The following SAMTOR variants were observed in gnomAD, a reference collection of about 807,000 sequenced individuals.
SAMTOR encodes the protein S-adenosylmethionine sensor upstream of mTORC1.
At chr7:112,902,197 G>GT in the SAMTOR span, among the ~76,000 whole-genome samples, 1 of 151,884 alleles carries the variant, frequency 6.6e-6, no homozygotes, top group Non-Finnish European at 1.5e-5. Flanking sequence ...GAGGTCAGGA[G>GT]TTTGAGACCA....
the SAMTOR span, among the ~76,000 whole-genome samples, chr7:112,831,257 G>A: frequency 2.3e-4 from 35 of 152,148 alleles, no homozygotes; most frequent in East Asian, 6.2e-3. Context: ...TGTTATTCTG[G>A]AAAAAAGTCT....
chr7:112,919,274 A>G, the SAMTOR span, among the ~76,000 whole-genome samples: 2 of 152,246 alleles, frequency 1.3e-5, no homozygotes, highest in African/African-American at 2.4e-5. Flanking sequence ...CAATCAAACT[A>G]GAACTCAGGA....
chr7:112,939,637 A>G, the SAMTOR span: 5 of 1,613,634 alleles, frequency 3.1e-6, no homozygotes, highest in Non-Finnish European at 4.2e-6. Context: ...TCTTCACCAC[A>G]CCGGAGAGCT....
chr7:112,852,930 T>C, the SAMTOR span, among the ~76,000 whole-genome samples: 7 of 152,050 alleles, frequency 4.6e-5, no homozygotes, highest in Admixed American at 4.6e-4. Context: ...AAAGAGACTC[T>C]GTCACCGAGA....
chr7:112,907,770 T>C, the SAMTOR span, among the ~76,000 whole-genome samples: 1 of 152,026 alleles, frequency 6.6e-6, no homozygotes, highest in Non-Finnish European at 1.5e-5. Flanking sequence ...TTCCAATCTA[T>C]CGGAGAAAAA....
the SAMTOR span, among the ~76,000 whole-genome samples, chr7:112,833,339 GA>G: frequency 1.3e-5 from 2 of 152,126 alleles, no homozygotes; most frequent in African/African-American, 2.4e-5. Flanking sequence ...TCTCGAATCA[GA>G]AAGGCTAAGA....
At chr7:112,920,163 C>T in the SAMTOR span, among the ~76,000 whole-genome samples, 3 of 152,296 alleles carry the variant, frequency 2.0e-5, no homozygotes, top group South Asian at 6.2e-4. Flanking sequence ...GAATTTTAGA[C>T]CAATATCCTT....
the SAMTOR span, among the ~76,000 whole-genome samples, chr7:112,902,434 AAAAACAAAAAAAAAC>A: frequency 1.6e-3 from 177 of 111,962 alleles, 32 homozygotes; most frequent in South Asian, 0.012. Flanking sequence ...AAAAACAAAA[AAAAACAAAAAAAAAC>A]AAAAAAAAAA....
chr7:112,934,806 A>G, the SAMTOR span, among the ~76,000 whole-genome samples: 7 of 152,322 alleles, frequency 4.6e-5, no homozygotes, highest in African/African-American at 7.2e-5. Context: ...AATCTGCAAC[A>G]ATGCTTTTGG....
At chr7:112,869,216 G>A in the SAMTOR span, among the ~76,000 whole-genome samples, 1 of 152,176 alleles carries the variant, frequency 6.6e-6, no homozygotes, top group African/African-American at 2.4e-5. Context: ...GAATGCGGCA[G>A]CAGCTCTACA....
chr7:112,875,033 C>T, the SAMTOR span, among the ~76,000 whole-genome samples: 6 of 152,102 alleles, frequency 3.9e-5, no homozygotes, highest in Admixed American at 6.6e-5. Flanking sequence ...TGGCAGTATC[C>T]GTGATCCAAT....
At chr7:112,833,332 C>T in the SAMTOR span, among the ~76,000 whole-genome samples, 4 of 152,066 alleles carry the variant, frequency 2.6e-5, no homozygotes, top group East Asian at 1.9e-4. Flanking sequence ...AAGGAGTTCT[C>T]GAATCAGAAA....
the SAMTOR span, chr7:112,915,194 C>T: frequency 2.9e-5 from 29 of 1,012,328 alleles, no homozygotes; most frequent in South Asian, 8.9e-5. Context: ...GCCGAGATCA[C>T]GCCATGCACT....
the SAMTOR span, among the ~76,000 whole-genome samples, chr7:112,907,146 T>C: frequency 6.6e-6 from 1 of 152,084 alleles, no homozygotes; most frequent in Admixed American, 6.6e-5. Flanking sequence ...ATCAATGATA[T>C]ACACAATGGA....
the SAMTOR span, among the ~76,000 whole-genome samples, chr7:112,856,732 AATATT>A: frequency 6.6e-6 from 1 of 152,088 alleles, no homozygotes; most frequent in Non-Finnish European, 1.5e-5. Context: ...GTGATGTAAA[AATATT>A]TATTGTCCAA....
the SAMTOR span, among the ~76,000 whole-genome samples, chr7:112,915,616 A>T: frequency 6.6e-6 from 1 of 152,232 alleles, no homozygotes; most frequent in Non-Finnish European, 1.5e-5. Flanking sequence ...TTACACATTT[A>T]AATAAATACA....
the SAMTOR span, among the ~76,000 whole-genome samples, chr7:112,867,294 G>A: frequency 6.6e-6 from 1 of 152,162 alleles, no homozygotes; most frequent in East Asian, 1.9e-4. Flanking sequence ...ACACGTAATT[G>A]AAAAGCTAAA....
chr7:112,936,182 C>T, the SAMTOR span, among the ~76,000 whole-genome samples: 1 of 151,016 alleles, frequency 6.6e-6, no homozygotes, highest in Non-Finnish European at 1.5e-5. Flanking sequence ...AAAAACCTAT[C>T]TTATGAATAT....
the SAMTOR span, among the ~76,000 whole-genome samples, chr7:112,845,062 C>T: frequency 6.6e-6 from 1 of 152,138 alleles, no homozygotes; most frequent in African/African-American, 2.4e-5. Context: ...AACTAGACCC[C>T]TTCTTGACAC....
Sources: allele counts gnomAD v4.1 joint callset (sites outside exome capture counted in the v4.1 genomes callset), GRCh38; gene constraint gnomAD v4.1.1; transcripts MANE v1.5; gene names NCBI Gene and HGNC (gene_info 2026-07-23, HGNC 2026-07-21).